Variants in EHBP1 observed in about 807,000 individuals in gnomAD.
EHBP1 encodes the protein EH domain binding protein 1.
A neutral mutation model predicts 144.0 loss-of-function variants in EHBP1; 55 were observed. The ratio of observed to expected loss-of-function variants is 0.38; its 90% CI spans 0.31 to 0.48. The LOEUF (loss-of-function observed/expected upper bound fraction) is 0.48. Ranked by LOEUF, EHBP1 falls within the 20% of genes least tolerant of loss-of-function variation. The probability of loss-of-function intolerance (pLI) is 0.98; values close to 1 mark genes in which losing one functional copy is unlikely to be tolerated. For missense variants in EHBP1, 1,200 were observed against 1,364.2 expected, an observed-to-expected ratio of 0.88 and a Z score of 1.90; for synonymous variants, 469 against 472.7, an observed-to-expected ratio of 0.99 and a Z score of 0.10.
intron 3 of EHBP1, among the ~76,000 whole-genome samples, chr2:62,757,426 C>CTTT (rs555494268): frequency 1.5e-4 from 17 of 113,032 alleles, no homozygotes; most frequent in Non-Finnish European, 2.0e-4. Flanking sequence ...TTTTTTTTTT[C>CTTT]TTTTTTTTTT....
chr2:62,977,407 C>G (rs1166334130), intron 14 of EHBP1, among the ~76,000 whole-genome samples: 3 of 152,100 alleles, frequency 2.0e-5, no homozygotes, highest in Non-Finnish European at 2.9e-5. Context: ...CTCCTTGTCT[C>G]TCTTGCACTG....
chr2:62,742,900 GCTT>G (rs1434379111), intron 2 of EHBP1, among the ~76,000 whole-genome samples: 1 of 151,852 alleles, frequency 6.6e-6, no homozygotes, highest in African/African-American at 2.4e-5. Flanking sequence ...TATTTATTCT[GCTT>G]CTTAATAAGT....
intron 3 of EHBP1, among the ~76,000 whole-genome samples, chr2:62,755,212 A>G (rs185102131): frequency 1.1e-4 from 17 of 152,306 alleles, no homozygotes; most frequent in African/African-American, 1.7e-4. Flanking sequence ...TTCTGTTACC[A>G]TAAGACTAGT....
At chr2:62,931,974 C>T (rs2056031336) in intron 10 of EHBP1, among the ~76,000 whole-genome samples, 3 of 151,882 alleles carry the variant, frequency 2.0e-5, no homozygotes, top group Non-Finnish European at 4.4e-5. Flanking sequence ...GTCAGGAGTT[C>T]AAGACCAGCC....
intron 10 of EHBP1, among the ~76,000 whole-genome samples, chr2:62,929,487 G>T (rs1329157605): frequency 6.6e-6 from 1 of 152,030 alleles, no homozygotes; most frequent in Non-Finnish European, 1.5e-5. Flanking sequence ...AATCATCTCA[G>T]TCAATCCAGA....
intron 5 of EHBP1, among the ~76,000 whole-genome samples, chr2:62,821,123 T>A (rs1287333514): frequency 6.6e-6 from 1 of 152,116 alleles, no homozygotes; most frequent in Non-Finnish European, 1.5e-5. Context: ...GTCTATGTAA[T>A]AAAGCCCTGA....
chr2:63,005,672 AT>A (rs368591515), intron 19 of EHBP1, among the ~76,000 whole-genome samples: 8 of 152,078 alleles, frequency 5.3e-5, no homozygotes, highest in African/African-American at 1.9e-4. Flanking sequence ...GCCACTCTAC[AT>A]TAGATGTGTG....
chr2:62,697,454 C>T (rs1236990342), intron 1 of EHBP1, among the ~76,000 whole-genome samples: 1 of 152,134 alleles, frequency 6.6e-6, no homozygotes, highest in Admixed American at 6.6e-5. Flanking sequence ...GTGGGTGATC[C>T]TTTTATGTTA....
Position 62,762,761 on chromosome 2 carries a change from G to A in EHBP1, c.163-1505G>A, listed in dbSNP as rs183670932. Reference sequence around the variant, plus strand: ...ACATCTCCCTTGGATTATTGCAGTCGCTTTTTAATTGATCTCCCTGTTTCT... The same window carrying A: ...ACATCTCCCTTGGATTATTGCAGTCACTTTTTAATTGATCTCCCTGTTTCT... On this transcript the variant is annotated intron_variant, in intron 3 of 22. Coordinates refer to ENST00000431489, the MANE Select transcript of EHBP1 (RefSeq NM_001142616.3). Among the ~76,000 whole-genome samples, 545 of 152,166 alleles carry A rather than the reference G, an allele frequency of 3.6e-3. 16 individuals are homozygous for A. Among genetic ancestry groups the A allele is most frequent in the Non-Finnish European group, 7.6e-4 (52 of 68,008 alleles).
chr2:62,702,838 AT>A (rs2034318727), upstream of EHBP1, among the ~76,000 whole-genome samples: 1 of 152,216 alleles, frequency 6.6e-6, no homozygotes. Flanking sequence ...TATGTGCCAG[AT>A]ACTTTATGTA....
intron 10 of EHBP1, among the ~76,000 whole-genome samples, chr2:62,912,170 T>C (rs4671052): frequency 0.12 from 17,629 of 152,144 alleles, 1,291 homozygotes; most frequent in East Asian, 0.19. Context: ...TTCAAGATAG[T>C]CATCAGAGAG....
At chr2:62,872,901 T>C (rs566902883) in intron 9 of EHBP1, among the ~76,000 whole-genome samples, 1 of 152,290 alleles carries the variant, frequency 6.6e-6, no homozygotes, top group South Asian at 2.1e-4. Flanking sequence ...ATCTCTGATC[T>C]AGAAGGGAAA....
intron 19 of EHBP1, among the ~76,000 whole-genome samples, chr2:63,018,905 A>C (rs951040619): frequency 1.3e-5 from 2 of 152,250 alleles, no homozygotes; most frequent in East Asian, 1.9e-4. Flanking sequence ...CTCAACAACT[A>C]TCTATGAAAC....
intron 5 of EHBP1, among the ~76,000 whole-genome samples, chr2:62,784,136 G>T (rs1237793392): frequency 6.6e-6 from 1 of 152,028 alleles, no homozygotes; most frequent in African/African-American, 2.4e-5. Flanking sequence ...GACATGAAAT[G>T]GATATAAAAC....
intron 9 of EHBP1, among the ~76,000 whole-genome samples, chr2:62,870,593 G>A (rs2050382668): frequency 6.6e-6 from 1 of 151,272 alleles, no homozygotes; most frequent in Non-Finnish European, 1.5e-5. Context: ...GCAGGTGCCT[G>A]TAATCCCAGC....
At chr2:62,761,990 C>T (rs1036200635) in intron 3 of EHBP1, among the ~76,000 whole-genome samples, 2 of 152,120 alleles carry the variant, frequency 1.3e-5, no homozygotes, top group East Asian at 1.9e-4. Context: ...ACTGAAACTG[C>T]TCTTGTAAAG....
At chr2:62,738,544 G>A (rs1278299545) in intron 2 of EHBP1, among the ~76,000 whole-genome samples, 2 of 152,102 alleles carry the variant, frequency 1.3e-5, no homozygotes, top group Admixed American at 6.5e-5. Context: ...GGCCACAAGT[G>A]TCCTGCTCCA....
intron 1 of EHBP1, among the ~76,000 whole-genome samples, chr2:62,675,065 A>T (rs952740740): frequency 6.6e-6 from 1 of 152,206 alleles, no homozygotes; most frequent in African/African-American, 2.4e-5. Flanking sequence ...AGAACAGAAG[A>T]GAGTGAACAT....
Position 62,948,628 on chromosome 2 carries a change from A to T in EHBP1, c.1782A>T (p.Gln594His), listed in dbSNP as rs1370065422. Reference protein sequence around the residue: ...SGVGESESEHQTPDDHLSPST... With the variant: ...SGVGESESEHHTPDDHLSPST... ...TTGGAGAGTCAGAAAGTGAGCATCA[A>T]ACTCCTGATGATCACCTTAGTCCAA... is the stretch of plus-strand genomic sequence containing the variant. The change falls in exon 13 of 23, where the codon CAA (glutamine) becomes CAT (histidine). Residue 594 changes from glutamine (Q) to histidine (H), a missense_variant. This residue lies in a region of EHBP1 where 543 missense variants were observed against 513.1 expected (regional missense o/e 1.06). Coordinates refer to ENST00000431489, the MANE Select transcript of EHBP1 (RefSeq NM_001142616.3). The T allele has an allele frequency of 1.9e-6, 3 of 1,613,814 alleles. No homozygotes were observed. Among genetic ancestry groups the T allele is most frequent in the Admixed American group, 3.3e-5 (2 of 59,998 alleles).
Sources: gnomAD v4.1 joint callset for allele counts (sites outside exome capture counted in the v4.1 genomes callset) on GRCh38, gnomAD v4.1.1 for gene constraint, gnomAD v4.1.1 regional missense constraint, MANE v1.5 for transcripts, NCBI Gene and HGNC (gene_info 2026-07-23, HGNC 2026-07-21) for gene names.